Variants in GRM7 observed in about 807,000 individuals in gnomAD.
GRM7 encodes glutamate metabotropic receptor 7.
A neutral mutation model predicts 84.5 loss-of-function variants in GRM7; 35 were observed. The observed-to-expected ratio is 0.41, with a 90% CI of 0.32 to 0.55. The LOEUF is 0.55. GRM7 is among the 20% of genes least tolerant of loss of function. The probability of loss-of-function intolerance (pLI) is 0.19; values close to 1 mark genes in which losing one functional copy is unlikely to be tolerated. For missense variants in GRM7, 1,003 were observed against 1,194.6 expected (o/e 0.84, Z 2.36); for synonymous variants, 487 against 455.1 (o/e 1.07, Z -0.89).
rs1290395624 is a variant in GRM7 at position 7,634,495 on chromosome 3, AAAAAAAAG to A, written c.2452-45553_2452-45546del. ...CTTTTTTTCCAAAAAAAAAAAAAAAAAAAAAAAGGGCTGGGCTCCATGGCTCACGCCTG... is the reference window on the plus strand; with the variant it reads ...CTTTTTTTCCAAAAAAAAAAAAAAAAGGCTGGGCTCCATGGCTCACGCCTG... On this transcript the variant is annotated intron_variant, in intron 8 of 9. Transcript: ENST00000357716. Among the ~76,000 whole-genome samples, 77 of 134,246 alleles carry A rather than the reference AAAAAAAAG, an allele frequency of 5.7e-4. 1 individual carries two copies. The highest frequency in any genetic ancestry group is 1.7e-3 in the East Asian group (7 of 4,144). The allele number at this position is 134,246 out of a possible 152,430, so 88.1% of individuals were successfully genotyped here.
intron 9 of GRM7, among the ~76,000 whole-genome samples, chr3:7,715,455 G>C (rs947120702): frequency 6.6e-6 from 1 of 152,076 alleles, no homozygotes; most frequent in African/African-American, 2.4e-5. Context: ...GCCATAGCAT[G>C]ACCCTGTCTC....
intron 1 of GRM7, among the ~76,000 whole-genome samples, chr3:7,123,795 G>T (rs1288547221): frequency 6.6e-6 from 1 of 152,110 alleles, no homozygotes; most frequent in Admixed American, 6.5e-5. Flanking sequence ...ATATAAATAT[G>T]CTTGTGTGAA....
At chr3:7,499,164 C>T (rs755057354) in intron 7 of GRM7, among the ~76,000 whole-genome samples, 9 of 152,100 alleles carry the variant, frequency 5.9e-5, no homozygotes, top group Non-Finnish European at 1.0e-4. Flanking sequence ...TCTAACTTCC[C>T]ATAGATAGTC....
chr3:7,025,131 A>G (rs1695933427), intron 1 of GRM7, among the ~76,000 whole-genome samples: 1 of 152,046 alleles, frequency 6.6e-6, no homozygotes, highest in South Asian at 2.1e-4. Context: ...CATCACTCAG[A>G]CACTCTCTCC....
At chr3:6,869,822 GCTTGAATTCCATTGTGGACC>G (rs1318364304) in intron 1 of GRM7, among the ~76,000 whole-genome samples, 1 of 152,188 alleles carries the variant, frequency 6.6e-6, no homozygotes, top group Non-Finnish European at 1.5e-5. Context: ...GCAGCCTTGA[GCTTGAATTCCATTGTGGACC>G]CTTTCTACCT....
chr3:7,722,844 C>A (rs1338661014), intron 9 of GRM7, among the ~76,000 whole-genome samples: 2 of 152,044 alleles, frequency 1.3e-5, no homozygotes, highest in East Asian at 1.9e-4. Flanking sequence ...GGCTGGAGTG[C>A]AGTGGCACTC....
At chr3:6,963,225 A>G (rs1693369206) in intron 1 of GRM7, among the ~76,000 whole-genome samples, 1 of 152,246 alleles carries the variant, frequency 6.6e-6, no homozygotes, top group African/African-American at 2.4e-5. Flanking sequence ...TTATTTGCCA[A>G]AATAGAACCA....
chr3:7,100,838 A>G (rs1699086966), intron 1 of GRM7, among the ~76,000 whole-genome samples: 1 of 151,696 alleles, frequency 6.6e-6, no homozygotes, highest in African/African-American at 2.4e-5. Context: ...ACTGTGATAG[A>G]TTTGGTTTGC....
chr3:7,007,785 C>A (rs1695231232), intron 1 of GRM7, among the ~76,000 whole-genome samples: 1 of 152,164 alleles, frequency 6.6e-6, no homozygotes, highest in Admixed American at 6.6e-5. Context: ...AAATATGTGA[C>A]ATAAAATAGT....
chr3:7,561,089 A>G (rs1034182095), intron 7 of GRM7, among the ~76,000 whole-genome samples: 1 of 152,092 alleles, frequency 6.6e-6, no homozygotes, highest in Non-Finnish European at 1.5e-5. Flanking sequence ...TTTATATTGC[A>G]GTTCAACTGA....
At chr3:7,548,707 A>G (rs1029780053) in intron 7 of GRM7, among the ~76,000 whole-genome samples, 4 of 152,140 alleles carry the variant, frequency 2.6e-5, no homozygotes, top group Admixed American at 6.5e-5. Context: ...ATCTAACTCA[A>G]TGTAAATCAT....
rs529614714 is a variant in GRM7, at chr3:7,333,347, C to T, written c.1033+26695C>T. Among the ~76,000 whole-genome samples, 79 of 152,250 alleles carry T rather than the reference C, an allele frequency of 5.2e-4. 1 individual carries two copies. Among genetic ancestry groups the T allele is most frequent in the African/African-American group, 1.8e-3 (73 of 41,568 alleles). ...CATTCGCCAGCACCAGCCCAGAGCC[C>T]GGTAGCCCCACTGTAGGGCTAGCCC... On this transcript the variant is annotated intron_variant, in intron 4 of 9. Coordinates refer to ENST00000357716, the MANE Select transcript of GRM7 (RefSeq NM_000844.4).
At chr3:7,633,536 T>C (rs1037762239) in intron 8 of GRM7, among the ~76,000 whole-genome samples, 1 of 151,900 alleles carries the variant, frequency 6.6e-6, no homozygotes, top group Non-Finnish European at 1.5e-5. Flanking sequence ...TAGCGGGGTG[T>C]GTGTGGACAA....
intron 1 of GRM7, among the ~76,000 whole-genome samples, chr3:7,009,082 C>T (rs1045709843): frequency 2.0e-5 from 3 of 152,132 alleles, no homozygotes; most frequent in Admixed American, 6.5e-5. Flanking sequence ...CTTGCTGTCA[C>T]GGAGGCCTTT....
intron 8 of GRM7, chr3:7,607,873 C>T: frequency 1.3e-5 from 2 of 159,830 alleles, no homozygotes; most frequent in South Asian, 1.4e-4. Context: ...TTTCCTGCTC[C>T]TCTCCTTCCT....
At chr3:7,036,156 G>A (rs557291162) in intron 1 of GRM7, among the ~76,000 whole-genome samples, 4 of 152,248 alleles carry the variant, frequency 2.6e-5, no homozygotes, top group Non-Finnish European at 4.4e-5. Flanking sequence ...CACTATAGAG[G>A]TTATGGCATT....
chr3:7,396,170 G>T (rs1436439060), intron 4 of GRM7, among the ~76,000 whole-genome samples: 2 of 151,942 alleles, frequency 1.3e-5, no homozygotes, highest in African/African-American at 4.8e-5. Context: ...AAGTACACCT[G>T]GGAGAAAATT....
In GRM7 at chr3:7,301,400, C is replaced by T. The variant is rs58071320; in HGVS notation, c.878+2575C>T. On this transcript the variant is annotated intron_variant, in intron 3 of 9. Transcript: ENST00000357716. The stretch of plus-strand genomic sequence containing the variant: ...TCTGTTCCAGTACTTTAAAAAATAT[C>T]TGCTAATACCCTTCTTATTCATCTT... Among the ~76,000 whole-genome samples, 1,223 of 152,212 alleles carry T rather than the reference C, an allele frequency of 8.0e-3. 16 individuals are homozygous for T. Among genetic ancestry groups the T allele is most frequent in the African/African-American group, 0.027 (1,133 of 41,542 alleles).
At chr3:7,035,989 A>G (rs1696373767) in intron 1 of GRM7, among the ~76,000 whole-genome samples, 1 of 152,238 alleles carries the variant, frequency 6.6e-6, no homozygotes, top group Non-Finnish European at 1.5e-5. Flanking sequence ...TTGACAACAA[A>G]TGATAGTGTT....
Sources: allele counts gnomAD v4.1 joint callset (sites outside exome capture counted in the v4.1 genomes callset), GRCh38; gene constraint gnomAD v4.1.1; transcripts MANE v1.5; gene names NCBI Gene and HGNC (gene_info 2026-07-23, HGNC 2026-07-21).